Variants in KCNMA1 observed in about 807,000 individuals in gnomAD.
KCNMA1 encodes the protein Calcium-activated potassium channel subunit alpha-1.
In KCNMA1, 29 loss-of-function variants were observed where a neutral mutation model predicts 140.0. The ratio of observed to expected loss-of-function variants is 0.21; its 90% CI spans 0.15 to 0.28. The LOEUF is 0.28. Among genes scored for constraint, KCNMA1 ranks in the 10% least tolerant of loss-of-function variants. The pLI is 1.00. For synonymous variants in KCNMA1, 612 were observed against 611.9 expected (o/e 1.00, Z 0.00); for missense variants, 880 against 1,602.2 (o/e 0.55, Z 7.70).
intron 2 of KCNMA1, among the ~76,000 whole-genome samples, chr10:77,366,720 A>G (rs1378876694): frequency 6.6e-6 from 1 of 152,126 alleles, no homozygotes; most frequent in Non-Finnish European, 1.5e-5. Context: ...CACTCTACAC[A>G]CACATGTTCT....
intron 25 of KCNMA1, chr10:76,901,473 G>A (rs974999511): frequency 1.3e-5 from 2 of 152,116 alleles, no homozygotes; most frequent in Non-Finnish European, 2.9e-5. Context: ...AGGCTGGGAG[G>A]TTATTGTTTT....
chr10:77,476,476 C>G (rs575269909), intron 1 of KCNMA1, among the ~76,000 whole-genome samples: 10 of 152,312 alleles, frequency 6.6e-5, no homozygotes, highest in Non-Finnish European at 1.0e-4. Context: ...CTTCCCTCTG[C>G]TGCTCGGTCA....
chr10:77,307,370 G>A (rs971626126), intron 2 of KCNMA1, among the ~76,000 whole-genome samples: 21 of 152,266 alleles, frequency 1.4e-4, no homozygotes, highest in African/African-American at 5.1e-4. Context: ...TGGGTATTCA[G>A]AAGAAGCTGT....
At chr10:77,061,001 T>C (rs1286473478) in intron 14 of KCNMA1, among the ~76,000 whole-genome samples, 1 of 152,112 alleles carries the variant, frequency 6.6e-6, no homozygotes, top group African/African-American at 2.4e-5. Context: ...AGTTTTGGCC[T>C]CCAGAAAAGG....
intron 1 of KCNMA1, among the ~76,000 whole-genome samples, chr10:77,518,248 T>C (rs1180215279): frequency 3.9e-5 from 6 of 152,178 alleles, no homozygotes; most frequent in African/African-American, 1.4e-4. Flanking sequence ...TTATCTGAAG[T>C]TAGTTTATTA....
intron 3 of KCNMA1, among the ~76,000 whole-genome samples, chr10:77,227,666 G>A (rs1016543526): frequency 1.7e-4 from 26 of 152,194 alleles, no homozygotes; most frequent in African/African-American, 6.0e-4. Flanking sequence ...GGAAAGAAGT[G>A]TTATGCTATT....
At chr10:77,439,132 GAAGAGAAGAGAAGAGAA>G (rs2097334095) in intron 1 of KCNMA1, among the ~76,000 whole-genome samples, 1 of 144,254 alleles carries the variant, frequency 6.9e-6, no homozygotes, top group African/African-American at 2.6e-5. Context: ...GAAGAGAAGA[GAAGAGAAGAGAAGAGAA>G]AAGAGAAGAG....
rs149089752 is a variant in KCNMA1 at position 77,469,403 on chromosome 10, C to T, written c.379-65380G>A. Among the ~76,000 whole-genome samples, 869 of 152,262 alleles carry T rather than the reference C, an allele frequency of 5.7e-3. 3 individuals are homozygous for T. Among genetic ancestry groups the T allele is most frequent in the Middle Eastern group, 0.017 (5 of 294 alleles). On this transcript the variant is annotated intron_variant, in intron 1 of 27. Coordinates refer to ENST00000286628, the MANE Select transcript of KCNMA1 (RefSeq NM_001161352.2). ...GCCTGGCCACCTAAGGAAAACACAG[C>T]GTTTAGAGGGCAGCGCCAGAACTGT...
chr10:76,952,069 T>A, intron 21 of KCNMA1: 1 of 1,552,322 alleles, frequency 6.4e-7, no homozygotes, highest in Non-Finnish European at 8.7e-7. Flanking sequence ...GCAGGAGATG[T>A]TGATTGAATA....
chr10:77,264,745 G>A (rs2062953033), intron 2 of KCNMA1, among the ~76,000 whole-genome samples: 1 of 152,116 alleles, frequency 6.6e-6, no homozygotes. Context: ...GTCTCTTGCT[G>A]TCATAACCCG....
intron 2 of KCNMA1, among the ~76,000 whole-genome samples, chr10:77,267,642 C>T (rs192112614): frequency 6.6e-5 from 10 of 152,306 alleles, no homozygotes; most frequent in Admixed American, 2.6e-4. Context: ...GGGTAAGCAT[C>T]GGCCCCACTC....
At chr10:77,243,688 C>T (rs1599777840) in intron 3 of KCNMA1, among the ~76,000 whole-genome samples, 1 of 152,114 alleles carries the variant, frequency 6.6e-6, no homozygotes, top group African/African-American at 2.4e-5. Context: ...GGCAAAATGT[C>T]CTCAAAAGTT....
At chr10:77,523,502 C>G (rs917312093) in intron 1 of KCNMA1, among the ~76,000 whole-genome samples, 1 of 152,154 alleles carries the variant, frequency 6.6e-6, no homozygotes, top group African/African-American at 2.4e-5. Flanking sequence ...CCCAACTGGG[C>G]AATGTGCAGG....
chr10:76,876,369 T>C (rs1172936165), downstream of KCNMA1: 2 of 152,622 alleles, frequency 1.3e-5, no homozygotes, highest in Non-Finnish European at 2.9e-5. Flanking sequence ...AATTTTAAAG[T>C]TGAAAGACTT....
At chr10:76,982,931 A>G (rs1161304916) in intron 19 of KCNMA1, among the ~76,000 whole-genome samples, 1 of 152,146 alleles carries the variant, frequency 6.6e-6, no homozygotes, top group African/African-American at 2.4e-5. Context: ...ATTCAACAGG[A>G]AAATAAAGTT....
intron 2 of KCNMA1, among the ~76,000 whole-genome samples, chr10:77,340,749 T>C (rs1016737085): frequency 6.6e-6 from 1 of 151,760 alleles, no homozygotes; most frequent in Non-Finnish European, 1.5e-5. Flanking sequence ...CATTAGGAGA[T>C]ATACCTAATG....
chr10:76,900,199 T>C (rs74139851), intron 25 of KCNMA1, among the ~76,000 whole-genome samples: 7,786 of 152,028 alleles, frequency 0.051, 625 homozygotes, highest in African/African-American at 0.17. Context: ...CATGCACTTA[T>C]TACTTTTTGA....
intron 18 of KCNMA1, among the ~76,000 whole-genome samples, chr10:77,002,602 G>A (rs2086849858): frequency 6.6e-6 from 1 of 152,186 alleles, no homozygotes; most frequent in South Asian, 2.1e-4. Flanking sequence ...TTCTAAAGCT[G>A]GTATGGTAGG....
At chr10:77,113,588 C>T (rs920478853) in intron 6 of KCNMA1, among the ~76,000 whole-genome samples, 5 of 152,118 alleles carry the variant, frequency 3.3e-5, no homozygotes, top group Admixed American at 3.3e-4. Context: ...CTTAGCCTCC[C>T]GAGTAGCTGG....
Sources: gnomAD v4.1 joint callset for allele counts (sites outside exome capture counted in the v4.1 genomes callset) on GRCh38, gnomAD v4.1.1 for gene constraint, MANE v1.5 for transcripts, NCBI Gene and HGNC (gene_info 2026-07-23, HGNC 2026-07-21) for gene names.